PDSS1: variants seen among roughly 807,000 people sequenced by gnomAD.
PDSS1 encodes decaprenyl diphosphate synthase subunit 1.
In PDSS1, 43 loss-of-function variants were observed where a neutral mutation model predicts 57.5. That is an observed-to-expected ratio of 0.75 (90% CI 0.59 to 0.96). The LOEUF is 0.96. PDSS1 is among the 50% of genes least tolerant of loss of function. The pLI is 0.00. For synonymous variants in PDSS1, 175 were observed against 191.3 expected, an observed-to-expected ratio of 0.91 and a Z score of 0.70; for missense variants, 438 against 527.8, an observed-to-expected ratio of 0.83 and a Z score of 1.67.
At chr10:26,713,302 A>G (rs1166186735) in intron 5 of PDSS1, among the ~76,000 whole-genome samples, 1 of 152,126 alleles carries the variant, frequency 6.6e-6, no homozygotes, top group Non-Finnish European at 1.5e-5. Context: ...AAAAAACCAA[A>G]CAAAACAAAA....
intron 4 of PDSS1, 115 bp downstream of exon 4, chr10:26,705,509 T>C (rs1343409312): frequency 4.6e-6 from 2 of 434,404 alleles, no homozygotes; most frequent in Non-Finnish European, 8.1e-6. Flanking sequence ...AGTCTCACTC[T>C]GTTGCCCAGG....
At position 26,697,819 on chromosome 10, in the gene PDSS1, C is replaced by G. The variant is rs1300186609; in HGVS notation, c.108C>G (p.Ala36=). ...PGRAGPLGPS[A]AAEVRAQVHR... is the part of the protein sequence containing the mutation. ...GTGCGGGACCGTTGGGGCCGAGCGC[C>G]GCTGCCGAAGTCCGCGCGCAGGTGA... The change falls in exon 1 of 12, where the codon GCC becomes GCG. Residue 36 remains alanine (A), a synonymous_variant. Coordinates refer to ENST00000376215, the MANE Select transcript of PDSS1 (RefSeq NM_014317.5). The G allele has an allele frequency of 2.2e-6, 3 of 1,340,554 alleles. No homozygotes were observed. The highest frequency in any genetic ancestry group is 9.6e-7 in the Non-Finnish European group (1 of 1,040,358). 83.0% of individuals were successfully genotyped at this position (1,340,554 alleles called of 1,614,324 possible). A position where few individuals can be genotyped will look rare whatever the true frequency, so the allele number is the denominator to read the frequency against.
At chr10:26,699,521 A>G (rs7896604) in intron 1 of PDSS1, among the ~76,000 whole-genome samples, 2,102 of 151,838 alleles carry the variant, frequency 0.014, 50 homozygotes, top group African/African-American at 0.049. Context: ...CAGACTCCCA[A>G]GTAGCTGGGA....
chr10:26,706,194 A>G (rs1470905285), intron 4 of PDSS1, among the ~76,000 whole-genome samples: 1 of 152,218 alleles, frequency 6.6e-6, no homozygotes, highest in Non-Finnish European at 1.5e-5. Flanking sequence ...GCTTAAGCCC[A>G]GGAGTTTGAG....
In PDSS1 at chr10:26,705,313, AAC is replaced by A. The variant is rs1835174472; in HGVS notation, c.261_262del (p.His87GlnfsTer3). 1 of 1,612,518 alleles carries A rather than the reference AAC, an allele frequency of 6.2e-7. No homozygotes were observed. Among genetic ancestry groups the A allele is most frequent in the Non-Finnish European group, 8.5e-7 (1 of 1,178,690 alleles). On this transcript the variant is annotated frameshift_variant, in exon 4 of 12. Coordinates refer to ENST00000376215, the MANE Select transcript of PDSS1 (RefSeq NM_014317.5). LOFTEE classifies it high-confidence loss of function. ...RFHHTTPDSK[T>X]HSGEKYTDPF... The stretch of plus-strand genomic sequence containing the variant: ...TTCATCACACAACCCCAGACAGTAA[AAC>A]ACACAGTGGTGAAAAATACACCGAT...
intron 11 of PDSS1, 107 bp from the exon 12 acceptor site, chr10:26,746,226 C>A: frequency 9.0e-7 from 1 of 1,106,232 alleles, no homozygotes. Context: ...CTGTAATCCT[C>A]AGCTCATCTG....
rs775289556 is a variant in PDSS1, at chr10:26,724,126, A to G, written c.831+3A>G. 4 of 1,580,656 alleles carry G rather than the reference A, an allele frequency of 2.5e-6. No individual in the cohort carries two copies. Among genetic ancestry groups the G allele is most frequent in the Non-Finnish European group, 3.5e-6 (4 of 1,149,390 alleles). ...TGATAGCCAACAGTTGTAAAGCAGT[A>G]TGTACGTTCTGTCTTTCTTCAAGTT... is the stretch of plus-strand genomic sequence containing the variant. On this transcript the variant is annotated splice_donor_region_variant and intron_variant, in intron 8 of 11. Transcript: ENST00000376215.
At chr10:26,720,521 T>A (rs1835749470) in intron 6 of PDSS1, among the ~76,000 whole-genome samples, 162 bp downstream of exon 6, 1 of 152,160 alleles carries the variant, frequency 6.6e-6, no homozygotes, top group African/African-American at 2.4e-5. Flanking sequence ...ATACAGATAT[T>A]TGATAAATAA....
intron 8 of PDSS1, among the ~76,000 whole-genome samples, chr10:26,730,216 TG>T (rs1564431335): frequency 6.6e-6 from 1 of 152,004 alleles, no homozygotes; most frequent in Non-Finnish European, 1.5e-5. Context: ...CCAGCCTAGT[TG>T]GATTCATTTT....
chr10:26,709,227 A>AT (rs1489398355), intron 4 of PDSS1, among the ~76,000 whole-genome samples: 106 of 152,264 alleles, frequency 7.0e-4, no homozygotes, highest in African/African-American at 2.6e-3. Flanking sequence ...TGAATTTCTC[A>AT]ATTGAAATGA....
chr10:26,708,717 C>T (rs186895883), intron 4 of PDSS1, among the ~76,000 whole-genome samples: 19 of 152,274 alleles, frequency 1.2e-4, no homozygotes, highest in Admixed American at 1.2e-3. Context: ...TTACTATCTT[C>T]CTGCCCCTCG....
chr10:26,724,273 T>C, intron 8 of PDSS1, 150 bp downstream of exon 8: 2 of 688,236 alleles, frequency 2.9e-6, no homozygotes, highest in South Asian at 3.2e-5. Context: ...CCCCAAACAA[T>C]AGAGGACTTC....
At chr10:26,698,988 G>A (rs2132200164) in intron 1 of PDSS1, among the ~76,000 whole-genome samples, 1 of 152,256 alleles carries the variant, frequency 6.6e-6, no homozygotes, top group Middle Eastern at 3.4e-3. Context: ...CACCAGGTGG[G>A]GTGGTGCATG....
chr10:26,709,370 G>A (rs1442826434), intron 4 of PDSS1, among the ~76,000 whole-genome samples: 2 of 152,150 alleles, frequency 1.3e-5, no homozygotes, highest in African/African-American at 4.8e-5. Context: ...GACCAGCCTG[G>A]CCAACGTGGT....
chr10:26,711,213 A>AAATTCC (rs939862696), intron 5 of PDSS1, among the ~76,000 whole-genome samples: 1 of 100,512 alleles, frequency 9.9e-6, no homozygotes, highest in African/African-American at 3.2e-5. Flanking sequence ...CTATTGATGG[A>AAATTCC]AATTCCAGTA....
intron 8 of PDSS1, among the ~76,000 whole-genome samples, chr10:26,727,736 A>G (rs1021027996): frequency 3.3e-5 from 5 of 152,006 alleles, no homozygotes; most frequent in Admixed American, 6.6e-5. Flanking sequence ...GTGAACTGTT[A>G]TAACGAAAGG....
chr10:26,709,220 A>G (rs1164452245), intron 4 of PDSS1, among the ~76,000 whole-genome samples: 1 of 152,140 alleles, frequency 6.6e-6, no homozygotes, highest in African/African-American at 2.4e-5. Context: ...GGAGTGTTGA[A>G]TTTCTCAATT....
chr10:26,739,959 G>A (rs1228614078), intron 10 of PDSS1, among the ~76,000 whole-genome samples: 4 of 152,068 alleles, frequency 2.6e-5, no homozygotes, highest in East Asian at 1.9e-4. Context: ...TCCTGGCTAC[G>A]GTAAAACTCC....
intron 1 of PDSS1, 79 bp downstream of exon 1, chr10:26,697,919 C>T: frequency 1.7e-6 from 2 of 1,183,364 alleles, no homozygotes; most frequent in Non-Finnish European, 2.1e-6. Context: ...TGAATGGGAG[C>T]GGGGAGCACG....
Sources: allele counts gnomAD v4.1 joint callset (sites outside exome capture counted in the v4.1 genomes callset), GRCh38; gene constraint gnomAD v4.1.1; transcripts MANE v1.5; gene names NCBI Gene and HGNC (gene_info 2026-07-23, HGNC 2026-07-21).